The following NKAIN2 variants were observed in gnomAD, a reference collection of about 807,000 sequenced individuals.
The protein encoded by NKAIN2 is sodium/potassium transporting ATPase interacting 2, also known as sodium/potassium-transporting ATPase subunit beta-1-interacting protein 2.
NKAIN2 carries 14 observed loss-of-function variants against 32.6 expected under a neutral mutation model. That is an observed-to-expected ratio of 0.43 (90% CI 0.28 to 0.67). The LOEUF (loss-of-function observed/expected upper bound fraction) is 0.67, where lower values mean the gene tolerates loss of function less well. NKAIN2 is among the 30% of genes least tolerant of loss of function. The pLI, the probability that NKAIN2 is intolerant of heterozygous loss-of-function variation, is 0.17. For synonymous variants in NKAIN2, 80 were observed against 87.2 expected (o/e 0.92, Z 0.46); for missense variants, 198 against 258.3 (o/e 0.77, Z 1.60).
chr6:123,807,551 CT>C (rs1773270847), intron 1 of NKAIN2, among the ~76,000 whole-genome samples: 1 of 152,028 alleles, frequency 6.6e-6, no homozygotes, highest in Non-Finnish European at 1.5e-5. Flanking sequence ...TAACTTTCAA[CT>C]TGTGAAAGTT....
At chr6:124,182,796 ATTG>A (rs1789509767) in intron 1 of NKAIN2, among the ~76,000 whole-genome samples, 1 of 152,184 alleles carries the variant, frequency 6.6e-6, no homozygotes, top group Non-Finnish European at 1.5e-5. Context: ...CATGTGAGGT[ATTG>A]TTGTAACTTA....
At chr6:124,786,703 C>T (rs376721991) in intron 4 of NKAIN2, among the ~76,000 whole-genome samples, 1 of 151,966 alleles carries the variant, frequency 6.6e-6, no homozygotes, top group Admixed American at 6.6e-5. Context: ...AAAAATTATA[C>T]TTAGCTCTGC....
intron 1 of NKAIN2, among the ~76,000 whole-genome samples, chr6:124,248,197 G>A (rs1479580380): frequency 2.0e-5 from 3 of 151,924 alleles, no homozygotes; most frequent in Admixed American, 6.6e-5. Context: ...TGATAGATTA[G>A]GGTTCTGAGA....
chr6:123,836,268 A>ATTTT (rs1208535159), intron 1 of NKAIN2, among the ~76,000 whole-genome samples: 38 of 152,176 alleles, frequency 2.5e-4, no homozygotes, highest in African/African-American at 8.7e-4. Flanking sequence ...TATTTCCAAA[A>ATTTT]GGTAATATAT....
At chr6:124,354,571 G>A (rs932781196) in intron 2 of NKAIN2, among the ~76,000 whole-genome samples, 1 of 152,144 alleles carries the variant, frequency 6.6e-6, no homozygotes, top group African/African-American at 2.4e-5. Flanking sequence ...GAATGGGACA[G>A]AGGCAGAAAG....
chr6:124,420,157 T>G (rs1774682470), intron 3 of NKAIN2, among the ~76,000 whole-genome samples: 1 of 152,158 alleles, frequency 6.6e-6, no homozygotes, highest in African/African-American at 2.4e-5. Flanking sequence ...GACAGGCTTT[T>G]GATGACAGCT....
chr6:123,887,983 T>A (rs1398095644), intron 1 of NKAIN2, among the ~76,000 whole-genome samples: 2 of 152,144 alleles, frequency 1.3e-5, no homozygotes, highest in Admixed American at 1.3e-4. Context: ...ATGATGAGAA[T>A]ACTACTCGTA....
intron 3 of NKAIN2, among the ~76,000 whole-genome samples, chr6:124,384,812 G>A (rs977095313): frequency 6.6e-5 from 10 of 152,036 alleles, no homozygotes; most frequent in East Asian, 1.9e-4. Context: ...ATTTTTTTGC[G>A]GGGTTTTGCC....
intron 1 of NKAIN2, among the ~76,000 whole-genome samples, chr6:124,273,307 TGA>T (rs1794885169): frequency 6.6e-6 from 1 of 152,074 alleles, no homozygotes; most frequent in East Asian, 1.9e-4. Context: ...TGATAGTTAG[TGA>T]GTTCTCACAA....
At chr6:123,807,933 T>A (rs1302822190) in intron 1 of NKAIN2, among the ~76,000 whole-genome samples, 1 of 152,170 alleles carries the variant, frequency 6.6e-6, no homozygotes, top group Non-Finnish European at 1.5e-5. Flanking sequence ...GGAGTACATT[T>A]GAAACTTAAT....
intron 2 of NKAIN2, among the ~76,000 whole-genome samples, chr6:124,298,386 T>A (rs1796153517): frequency 6.6e-6 from 1 of 152,196 alleles, no homozygotes; most frequent in Admixed American, 6.5e-5. Flanking sequence ...AGTCCACTAC[T>A]TTTTCAAACC....
intron 1 of NKAIN2, among the ~76,000 whole-genome samples, chr6:124,265,868 G>A (rs1221300730): frequency 6.6e-6 from 1 of 152,238 alleles, no homozygotes; most frequent in Non-Finnish European, 1.5e-5. Flanking sequence ...GTAGCCAGGG[G>A]ACTGGAGTCT....
intron 1 of NKAIN2, among the ~76,000 whole-genome samples, chr6:123,991,456 A>G (rs1394861121): frequency 7.4e-6 from 1 of 134,602 alleles, no homozygotes; most frequent in Non-Finnish European, 1.5e-5. Flanking sequence ...GACAATTATA[A>G]AAGAGAACCT....
intron 3 of NKAIN2, among the ~76,000 whole-genome samples, chr6:124,565,681 T>G (rs904415642): frequency 6.6e-6 from 1 of 152,178 alleles, no homozygotes; most frequent in African/African-American, 2.4e-5. Flanking sequence ...TTTGGCCTTG[T>G]GTGGGCTCTT....
At chr6:124,118,485 G>A (rs190359698) in intron 1 of NKAIN2, among the ~76,000 whole-genome samples, 2 of 151,824 alleles carry the variant, frequency 1.3e-5, no homozygotes, top group African/African-American at 4.8e-5. Context: ...CTAATACCTC[G>A]GGAGAAAACA....
chr6:124,806,029 T>C (rs1287504123), intron 5 of NKAIN2, among the ~76,000 whole-genome samples: 1 of 151,574 alleles, frequency 6.6e-6, no homozygotes, highest in Non-Finnish European at 1.5e-5. Context: ...TACCTGAAAG[T>C]GACGGGGAGA....
At position 124,011,807 on chromosome 6, in the gene NKAIN2, C is replaced by T. The variant is rs554451729; in HGVS notation, c.54+207553C>T. The stretch of plus-strand genomic sequence containing the variant: ...TTGTGCCTTCCTAACTAGTATATTC[C>T]TGCCACGAGACCCTTGCCATTCAAG... On this transcript the variant is annotated intron_variant, in intron 1 of 6. Transcript: ENST00000368417. Among the ~76,000 whole-genome samples the T allele has an allele frequency of 9.2e-5, 14 of 152,218 alleles. No individual in the cohort carries two copies. The East Asian group carries it at 2.7e-3, about 29-fold the overall frequency.
chr6:124,000,573 C>T (rs1287285948), intron 1 of NKAIN2, among the ~76,000 whole-genome samples: 1 of 151,962 alleles, frequency 6.6e-6, no homozygotes, highest in African/African-American at 2.4e-5. Context: ...TCTCTTCTGC[C>T]TTTTATTTTA....
chr6:123,895,849 T>C (rs1379035458), intron 1 of NKAIN2, among the ~76,000 whole-genome samples: 2 of 152,118 alleles, frequency 1.3e-5, no homozygotes, highest in East Asian at 3.9e-4. Flanking sequence ...ACTCGAGAGG[T>C]TGATGAATCG....
Sources: allele counts gnomAD v4.1 joint callset (sites outside exome capture counted in the v4.1 genomes callset), GRCh38; gene constraint gnomAD v4.1.1; transcripts MANE v1.5; gene names NCBI Gene and HGNC (gene_info 2026-07-23, HGNC 2026-07-21).